Variants in SHC3 observed in about 807,000 individuals in gnomAD.
The protein encoded by SHC3 is SHC adaptor protein 3.
Under a neutral mutation model 60.4 loss-of-function variants are expected in SHC3, and 15 were observed. The ratio of observed to expected loss-of-function variants is 0.25; its 90% confidence interval spans 0.17 to 0.38. The LOEUF is 0.38. Ranked by LOEUF, SHC3 falls within the 10% of genes least tolerant of loss-of-function variation. SHC3 has a pLI of 1.00. For synonymous variants in SHC3, 294 were observed against 325.9 expected (o/e 0.90, Z 1.05); for missense variants, 677 against 786.1 (o/e 0.86, Z 1.66).
chr9:89,075,224 G>C lies in SHC3; in HGVS notation c.614C>G (p.Pro205Arg), dbSNP rs1041886632. The C allele has an allele frequency of 3.7e-6, 6 of 1,613,448 alleles. No individual in the cohort carries two copies. Among genetic ancestry groups the C allele is most frequent in the Non-Finnish European group, 5.1e-6 (6 of 1,179,750 alleles). The change falls in exon 4 of 12, where the codon CCA becomes CGA. Residue 205 changes from proline to arginine, a missense_variant. Transcript: ENST00000375835. The stretch of plus-strand genomic sequence containing the variant: ...CAAGATGCTGGACAGCATTTTGCTT[G>C]GAGGCTGTGAAATTAAAGAGCATTA... ...AKGAFKKRKP[P>R]SKMLSSILGK...
intron 6 of SHC3, among the ~76,000 whole-genome samples, chr9:89,059,318 CGTTGTGGAGGATG>C (rs1564108645): frequency 3.9e-5 from 1 of 25,850 alleles, no homozygotes; most frequent in Non-Finnish European, 6.3e-5. Context: ...TGGTGGAGGA[CGTTGTGGAGGATG>C]GTGGTGGAGG....
rs977684028 is a variant in SHC3, at chr9:89,038,389, G to C, written c.1361-101C>G. The C allele has an allele frequency of 7.7e-6, 10 of 1,298,036 alleles. No individual in the cohort carries two copies. The African/African-American group carries it at 1.4e-4, about 18-fold the overall frequency. The allele number at this position is 1,298,036 out of a possible 1,614,324, so 80.4% of individuals were successfully genotyped here. A position where few individuals can be genotyped will look rare whatever the true frequency, so the allele number is the denominator to read the frequency against. ...CAGTGAGAGAGATGGAAATGCAAAGGCAACTCCTCCAGAAGGGGAAAACAA... is the reference window on the plus strand; with the variant it reads ...CAGTGAGAGAGATGGAAATGCAAAGCCAACTCCTCCAGAAGGGGAAAACAA... On this transcript the variant is annotated intron_variant, in intron 10 of 11. Transcript: ENST00000375835.
intron 1 of SHC3, among the ~76,000 whole-genome samples, chr9:89,153,372 A>C (rs976581883): frequency 5.3e-5 from 8 of 152,172 alleles, no homozygotes; most frequent in Admixed American, 1.3e-4. Context: ...TTTTATGAAC[A>C]TCGCCTACTT....
At chr9:89,138,943 A>C (rs570594030) in intron 1 of SHC3, among the ~76,000 whole-genome samples, 1 of 152,326 alleles carries the variant, frequency 6.6e-6, no homozygotes, top group Non-Finnish European at 1.5e-5. Context: ...TAAGTATTCA[A>C]TTTAAGAAAA....
At chr9:89,094,791 C>T (rs1291365463) in intron 2 of SHC3, among the ~76,000 whole-genome samples, 2 of 152,112 alleles carry the variant, frequency 1.3e-5, no homozygotes, top group African/African-American at 4.8e-5. Flanking sequence ...ACACCCACCA[C>T]TCAAGAGGAG....
chr9:89,024,025 G>T (rs542335676), intron 11 of SHC3, among the ~76,000 whole-genome samples: 2 of 152,318 alleles, frequency 1.3e-5, no homozygotes, highest in African/African-American at 2.4e-5. Context: ...TGCTGAAGCT[G>T]CTAGATTAAT....
Position 89,038,048 on chromosome 9 carries a change from G to C in SHC3, c.1601C>G (p.Thr534Arg). The change falls in exon 11 of 12, where the codon ACG becomes AGG. Residue 534 changes from threonine (T) to arginine (R), a missense_variant. Thr to Arg is a moderately conservative substitution (Grantham distance 71, BLOSUM62 -1). Coordinates refer to ENST00000375835, the MANE Select transcript of SHC3 (RefSeq NM_016848.6). ...STTNPGSFVLTGMHNGQAKHL... is the reference protein window; with the variant it reads ...STTNPGSFVLRGMHNGQAKHL... ...CTTGGCCTGGCCATTGTGCATGCCC[G>C]TGAGGACAAAGGAGCCCGGGTTGGT... The C allele has an allele frequency of 6.2e-7, 1 of 1,613,696 alleles. No homozygotes were observed. Among genetic ancestry groups the C allele is most frequent in the Non-Finnish European group, 8.5e-7 (1 of 1,180,034 alleles).
chr9:89,132,894 C>T (rs1036021848), intron 1 of SHC3, among the ~76,000 whole-genome samples: 64 of 152,012 alleles, frequency 4.2e-4, no homozygotes, highest in Non-Finnish European at 7.8e-4. Context: ...GCAACAAAAG[C>T]CAAAATAGAC....
chr9:89,015,666 T>G (rs1485257978), intron 11 of SHC3, among the ~76,000 whole-genome samples: 2 of 152,244 alleles, frequency 1.3e-5, no homozygotes. Context: ...GAACTCTCTG[T>G]GTGGACCCAC....
intron 2 of SHC3, among the ~76,000 whole-genome samples, chr9:89,086,891 T>C (rs1181244353): frequency 6.6e-6 from 1 of 152,226 alleles, no homozygotes; most frequent in Non-Finnish European, 1.5e-5. Flanking sequence ...GTGCATGTTA[T>C]CTTTCAGTCG....
chr9:89,013,401 G>T lies in SHC3; in HGVS notation c.*46C>A, dbSNP rs758200854. ...GCAGCCCCGATTCTAGTCCACTCCAGGTCCTCCTGACCTGGTGCGCAGTGC... is the reference window on the plus strand; with the variant it reads ...GCAGCCCCGATTCTAGTCCACTCCATGTCCTCCTGACCTGGTGCGCAGTGC... On this transcript the variant is annotated 3_prime_UTR_variant, in exon 12 of 12. Coordinates refer to ENST00000375835, the MANE Select transcript of SHC3 (RefSeq NM_016848.6). 6.9e-7 allele frequency: 1 copy of T among 1,450,662 alleles called. No individual in the cohort carries two copies. The highest frequency in any genetic ancestry group is 1.6e-5 in the South Asian group (1 of 62,422). The allele number at this position is 1,450,662 out of a possible 1,614,324, so 89.9% of individuals were successfully genotyped here.
chr9:89,094,116 A>AG (rs1485720226), intron 2 of SHC3, among the ~76,000 whole-genome samples: 29 of 151,918 alleles, frequency 1.9e-4, no homozygotes, highest in African/African-American at 6.7e-4. Context: ...AAAAAAAAAA[A>AG]AAAAGAAAAG....
Position 89,178,760 on chromosome 9 carries a change from C to A in SHC3, c.-300G>T. The A allele has an allele frequency of 7.3e-6, 2 of 272,448 alleles. No individual in the cohort carries two copies. Among genetic ancestry groups the A allele is most frequent in the Non-Finnish European group, 1.4e-5 (2 of 145,608 alleles). The allele number at this position is 272,448 out of a possible 1,614,324, so 16.9% of individuals were successfully genotyped here. A position where few individuals can be genotyped will look rare whatever the true frequency, so the allele number is the denominator to read the frequency against. ...CCCAGCTGCTTGGGGCTGCTCACAGCAAAAGCATGACTCACTCTGAGAGGA... is the reference window on the plus strand; with the variant it reads ...CCCAGCTGCTTGGGGCTGCTCACAGAAAAAGCATGACTCACTCTGAGAGGA... On this transcript the variant is annotated 5_prime_UTR_variant, in exon 1 of 12. Transcript: ENST00000375835. This position sits in a 1 kb window ranked among gnomAD's most constrained non-coding sequence, Gnocchi z 6.9.
intron 11 of SHC3, 67 bp downstream of exon 11, chr9:89,037,926 G>T: frequency 6.4e-7 from 1 of 1,555,118 alleles, no homozygotes; most frequent in Non-Finnish European, 8.7e-7. Flanking sequence ...ATTTGACAAA[G>T]TGGAGACTGT....
rs924250675 is a variant in SHC3, at chr9:89,153,175, G to A, written c.474+24812C>T. ...AAATCATTTATTTTAAGGGGTCCTT[G>A]AAATTATTTTCTTTCTAACACTCAC... is the stretch of plus-strand genomic sequence containing the variant. On this transcript the variant is annotated intron_variant, in intron 1 of 11. Transcript: ENST00000375835. Among the ~76,000 whole-genome samples the A allele has an allele frequency of 3.3e-5, 5 of 152,290 alleles. No homozygotes were observed. In the South Asian group the frequency reaches 1.0e-3, roughly 32 times the overall value.
chr9:89,096,328 C>A (rs1475766662), intron 2 of SHC3, among the ~76,000 whole-genome samples: 1 of 152,170 alleles, frequency 6.6e-6, no homozygotes, highest in Non-Finnish European at 1.5e-5. Flanking sequence ...ATCCAATGCG[C>A]CACCAAGGGA....
chr9:89,011,757 T>C lies in SHC3; in HGVS notation c.*1690A>G, dbSNP rs1346845185. On this transcript the variant is annotated 3_prime_UTR_variant, in exon 12 of 12. Transcript: ENST00000375835. ...CAGAGTTTCAATCCACTGCAGAACA[T>C]TCTAGAACACTGACTTCACTGTCAT... The C allele has an allele frequency of 6.6e-6, 1 of 152,228 alleles. No individual in the cohort carries two copies. The highest frequency in any genetic ancestry group is 1.5e-5 in the Non-Finnish European group (1 of 68,098). 9.4% of individuals were successfully genotyped at this position (152,228 alleles called of 1,614,324 possible). A position where few individuals can be genotyped will look rare whatever the true frequency, so the allele number is the denominator to read the frequency against.
At chr9:89,123,088 C>A (rs557984869) in intron 1 of SHC3, among the ~76,000 whole-genome samples, 1 of 152,142 alleles carries the variant, frequency 6.6e-6, no homozygotes, top group Non-Finnish European at 1.5e-5. Flanking sequence ...GAGTTTGAAG[C>A]TTTTCCCTAT....
intron 2 of SHC3, among the ~76,000 whole-genome samples, chr9:89,097,806 C>T (rs1825727141): frequency 6.6e-6 from 1 of 152,116 alleles, no homozygotes; most frequent in African/African-American, 2.4e-5. Flanking sequence ...GGTTCAATCT[C>T]CATCGCTTTT....
Sources: gnomAD v4.1 joint callset for allele counts (sites outside exome capture counted in the v4.1 genomes callset) on GRCh38, gnomAD v4.1.1 for gene constraint, Gnocchi (gnomAD v3.1) non-coding constraint, MANE v1.5 for transcripts, NCBI Gene and HGNC (gene_info 2026-07-23, HGNC 2026-07-21) for gene names.